Variants in LRP1B observed in about 807,000 individuals in gnomAD.
LRP1B encodes low-density lipoprotein receptor-related protein 1B.
LRP1B carries 217 observed loss-of-function variants against 556.6 expected under a neutral mutation model. That is an observed-to-expected ratio of 0.39 (90% CI 0.35 to 0.44). The LOEUF is 0.44. Ranked by LOEUF, LRP1B falls within the 20% of genes least tolerant of loss-of-function variation. The pLI is 1.00. For synonymous variants in LRP1B, 2,047 were observed against 1,865.8 expected (o/e 1.10, Z -2.50); for missense variants, 5,053 against 5,620.8 (o/e 0.90, Z 3.23).
chr2:140,770,269 T>C (rs1194108754), intron 34 of LRP1B, among the ~76,000 whole-genome samples: 1 of 151,816 alleles, frequency 6.6e-6, no homozygotes, highest in African/African-American at 2.4e-5. Context: ...ATAAAATAAA[T>C]GATAATACAT....
At chr2:140,871,127 G>A (rs1176008644) in intron 25 of LRP1B, among the ~76,000 whole-genome samples, 4 of 152,116 alleles carry the variant, frequency 2.6e-5, no homozygotes, top group African/African-American at 7.2e-5. Context: ...TAGTGGTAGT[G>A]TGTGCTTTTG....
chr2:140,679,209 T>C (rs1379935429), intron 41 of LRP1B, among the ~76,000 whole-genome samples: 1 of 152,208 alleles, frequency 6.6e-6, no homozygotes, highest in Non-Finnish European at 1.5e-5. Flanking sequence ...AGTCCACCCA[T>C]TATGACCTCA....
intron 43 of LRP1B, among the ~76,000 whole-genome samples, chr2:140,590,556 TTCTCTCTCTCTC>T (rs56276353): frequency 6.8e-6 from 1 of 147,334 alleles, no homozygotes; most frequent in Admixed American, 6.8e-5. Flanking sequence ...CTAGATCTCT[TTCTCTCTCTCTC>T]TCTCTCTCTC....
At chr2:141,017,403 A>T (rs1443909291) in intron 12 of LRP1B, among the ~76,000 whole-genome samples, 1 of 120,970 alleles carries the variant, frequency 8.3e-6, no homozygotes, top group Admixed American at 9.8e-5. Context: ...TCTCCTTTTG[A>T]TCATGGCAAC....
intron 2 of LRP1B, among the ~76,000 whole-genome samples, chr2:141,622,426 A>C (rs1484022269): frequency 6.6e-6 from 1 of 152,172 alleles, no homozygotes; most frequent in East Asian, 1.9e-4. Flanking sequence ...TGTGACTTTC[A>C]TGTCAATTAC....
intron 41 of LRP1B, among the ~76,000 whole-genome samples, chr2:140,677,034 C>A (rs111289281): frequency 0.017 from 2,526 of 152,292 alleles, 74 homozygotes; most frequent in African/African-American, 0.057. Flanking sequence ...AATACTGCCA[C>A]TTCTTAGGGA....
chr2:141,545,853 A>G (rs1330301838), intron 2 of LRP1B, among the ~76,000 whole-genome samples: 1 of 152,118 alleles, frequency 6.6e-6, no homozygotes, highest in Non-Finnish European at 1.5e-5. Flanking sequence ...AAGGAAACAG[A>G]TTTCCCCCAC....
At chr2:141,126,622 C>G (rs940537384) in intron 7 of LRP1B, among the ~76,000 whole-genome samples, 9 of 152,120 alleles carry the variant, frequency 5.9e-5, no homozygotes, top group Non-Finnish European at 1.0e-4. Context: ...CATCTGAAGA[C>G]ACTTTTTCAA....
chr2:141,244,087 A>C (rs1683981550), intron 5 of LRP1B, among the ~76,000 whole-genome samples: 1 of 152,104 alleles, frequency 6.6e-6, no homozygotes, highest in Non-Finnish European at 1.5e-5. Flanking sequence ...AGATCATGAT[A>C]CTGTTCTATG....
chr2:141,416,980 C>A (rs1281738067), intron 3 of LRP1B, among the ~76,000 whole-genome samples: 1 of 152,114 alleles, frequency 6.6e-6, no homozygotes, highest in Non-Finnish European at 1.5e-5. Flanking sequence ...TACCAGAATT[C>A]TATCTATCAT....
intron 1 of LRP1B, among the ~76,000 whole-genome samples, chr2:141,973,709 T>C (rs912326508): frequency 4.1e-4 from 62 of 151,826 alleles, no homozygotes; most frequent in Admixed American, 3.7e-3. Flanking sequence ...ATATCCCTGA[T>C]TGTGGAGAGA....
rs112631342 is a variant in LRP1B, at chr2:140,292,614, G to A, written c.12967+5194C>T. Among the ~76,000 whole-genome samples the A allele has an allele frequency of 2.0e-4, 31 of 152,134 alleles. 2 individuals carry two copies. The highest frequency in any genetic ancestry group is 5.5e-4 in the African/African-American group (23 of 41,514). ...AAATTTTCTAAAGGCTAAACTCTGTGGTCTTTCTGAAGGTTCTAGTAGCCT... is the reference window on the plus strand; with the variant it reads ...AAATTTTCTAAAGGCTAAACTCTGTAGTCTTTCTGAAGGTTCTAGTAGCCT... On this transcript the variant is annotated intron_variant, in intron 84 of 90. Transcript: ENST00000389484.
chr2:141,019,234 A>C (rs1237796238), intron 12 of LRP1B, among the ~76,000 whole-genome samples: 1 of 152,112 alleles, frequency 6.6e-6, no homozygotes, highest in Non-Finnish European at 1.5e-5. Flanking sequence ...TAAAACAAGT[A>C]ATACATACTA....
intron 1 of LRP1B, among the ~76,000 whole-genome samples, chr2:141,985,803 G>A (rs1702171051): frequency 6.6e-6 from 1 of 151,752 alleles, no homozygotes. Flanking sequence ...CTAAAATACA[G>A]AACATATTAT....
At position 140,794,758 on chromosome 2, in the gene LRP1B, C is replaced by T. The variant is rs113841729; in HGVS notation, c.5360-18520G>A. On this transcript the variant is annotated intron_variant, in intron 32 of 90. Transcript: ENST00000389484. ...CCTCCCAAGTAGCTGGTATTACAGGCATGAGCCACTACGCCCAGCTAATTT... is the reference window on the plus strand; with the variant it reads ...CCTCCCAAGTAGCTGGTATTACAGGTATGAGCCACTACGCCCAGCTAATTT... Among the ~76,000 whole-genome samples, 1,029 of 152,078 alleles carry T rather than the reference C, an allele frequency of 6.8e-3. 8 individuals are homozygous for T. The highest frequency in any genetic ancestry group is 0.024 in the African/African-American group (988 of 41,488).
intron 2 of LRP1B, among the ~76,000 whole-genome samples, chr2:141,512,106 G>A (rs750606597): frequency 1.3e-5 from 2 of 152,094 alleles, no homozygotes; most frequent in Non-Finnish European, 2.9e-5. Flanking sequence ...ACTCCATACG[G>A]AATGGATATT....
chr2:141,669,281 C>T lies in LRP1B; in HGVS notation c.205+140998G>A, dbSNP rs538099558. 4.6e-5 allele frequency among the ~76,000 whole-genome samples: 7 copies of T among 152,118 alleles called. No homozygotes were observed. The East Asian group carries it at 7.7e-4, about 17-fold the overall frequency. Reference sequence around the variant, plus strand: ...GAGGGAACACCATGTGAAGACAAAGCGAAGACAAAGCAAAGACTGCCACCT... The same window carrying T: ...GAGGGAACACCATGTGAAGACAAAGTGAAGACAAAGCAAAGACTGCCACCT... On this transcript the variant is annotated intron_variant, in intron 2 of 90. Coordinates refer to ENST00000389484, the MANE Select transcript of LRP1B (RefSeq NM_018557.3).
At chr2:140,728,605 C>T (rs933162984) in intron 35 of LRP1B, among the ~76,000 whole-genome samples, 2 of 152,026 alleles carry the variant, frequency 1.3e-5, no homozygotes, top group Non-Finnish European at 2.9e-5. Flanking sequence ...CTAAACTATG[C>T]CTCAGTTTAG....
intron 2 of LRP1B, among the ~76,000 whole-genome samples, chr2:141,657,600 TCTAA>T (rs1690061492): frequency 6.6e-6 from 1 of 152,162 alleles, no homozygotes; most frequent in Non-Finnish European, 1.5e-5. Flanking sequence ...TTTTGTAATT[TCTAA>T]CTAATTGATT....
Sources: gnomAD v4.1 joint callset for allele counts (sites outside exome capture counted in the v4.1 genomes callset) on GRCh38, gnomAD v4.1.1 for gene constraint, MANE v1.5 for transcripts, NCBI Gene and HGNC (gene_info 2026-07-23, HGNC 2026-07-21) for gene names.